Variants in SRBD1 observed in about 807,000 individuals in gnomAD.
SRBD1 encodes S1 RNA-binding domain-containing protein 1.
Under a neutral mutation model 115.3 loss-of-function variants are expected in SRBD1, and 88 were observed. The ratio of observed to expected loss-of-function variants is 0.76; its 90% CI spans 0.64 to 0.91. SRBD1 has a LOEUF of 0.91. Ranked by LOEUF, SRBD1 falls within the 40% of genes least tolerant of loss-of-function variation. The probability of loss-of-function intolerance (pLI) is 0.00; values close to 1 mark genes in which losing one functional copy is unlikely to be tolerated. For missense variants in SRBD1, 1,385 were observed against 1,177.4 expected (o/e 1.18, Z -2.58); for synonymous variants, 509 against 407.7 (o/e 1.25, Z -2.99).
Position 45,585,748 on chromosome 2 carries a change from T to C in SRBD1, c.675A>G (p.Glu225=). The part of the protein sequence containing the change: ...VQVLSERTNI[E]PWVCANIIRL... ...GAATGATGTTGGCACAAACCCAAGG[T>C]TCAATATTAGTTCTCTCAGATAAAA... Residue 225 remains glutamate, a synonymous_variant, in exon 5 of 21, where the codon GAA becomes GAG. Transcript: ENST00000263736. The C allele has an allele frequency of 6.2e-7, 1 of 1,605,332 alleles. No individual in the cohort carries two copies. Among genetic ancestry groups the C allele is most frequent in the Non-Finnish European group, 8.5e-7 (1 of 1,178,056 alleles).
At chr2:45,420,540 T>C (rs537260693) in intron 16 of SRBD1, among the ~76,000 whole-genome samples, 37 of 152,354 alleles carry the variant, frequency 2.4e-4, no homozygotes, top group African/African-American at 8.7e-4. Context: ...TGTTAAATAT[T>C]GAAAGAGCTC....
At chr2:45,560,774 T>C (rs1672636995) in intron 10 of SRBD1, among the ~76,000 whole-genome samples, 1 of 152,112 alleles carries the variant, frequency 6.6e-6, no homozygotes, top group Non-Finnish European at 1.5e-5. Flanking sequence ...TTCATTGGAA[T>C]TTATTTGCTT....
At chr2:45,544,232 CAA>C (rs777800446) in intron 14 of SRBD1, among the ~76,000 whole-genome samples, 211 of 72,266 alleles carry the variant, frequency 2.9e-3, no homozygotes, top group South Asian at 3.6e-3. Context: ...GACTCCGGCT[CAA>C]AAAAAAAAAA....
chr2:45,579,067 T>C (rs1379912323), intron 7 of SRBD1, among the ~76,000 whole-genome samples: 5 of 152,200 alleles, frequency 3.3e-5, no homozygotes, highest in Non-Finnish European at 5.9e-5. Context: ...CACTCAATCC[T>C]AACAGCGAAT....
Position 45,495,122 on chromosome 2 carries a change from A to G in SRBD1, c.1875-6791T>C, listed in dbSNP as rs146641120. Reference sequence around the variant, plus strand: ...ATCTTAGCTACAGAGCAGTCTTTCAAAAGAACAGAATTATCTTGGCTACTT... The same window carrying G: ...ATCTTAGCTACAGAGCAGTCTTTCAGAAGAACAGAATTATCTTGGCTACTT... On this transcript the variant is annotated intron_variant, in intron 14 of 20. Transcript: ENST00000263736. Among the ~76,000 whole-genome samples, 29 of 152,336 alleles carry G rather than the reference A, an allele frequency of 1.9e-4. 1 individual carries two copies. The East Asian group carries it at 2.7e-3, about 14-fold the overall frequency.
At chr2:45,563,417 A>G (rs1291092005) in intron 9 of SRBD1, among the ~76,000 whole-genome samples, 2 of 152,002 alleles carry the variant, frequency 1.3e-5, no homozygotes, top group Non-Finnish European at 2.9e-5. Flanking sequence ...ACACTCCTTA[A>G]AGTATAAACA....
At chr2:45,450,798 C>G (rs899921532) in intron 16 of SRBD1, among the ~76,000 whole-genome samples, 3 of 152,080 alleles carry the variant, frequency 2.0e-5, no homozygotes, top group African/African-American at 7.2e-5. Context: ...TTAGTTTGGA[C>G]AGGTCCCAGC....
chr2:45,425,726 G>C (rs1044915035), intron 16 of SRBD1, among the ~76,000 whole-genome samples: 5 of 152,138 alleles, frequency 3.3e-5, no homozygotes, highest in Non-Finnish European at 7.3e-5. Context: ...AGCACAAGGA[G>C]TCAGGGAACT....
intron 14 of SRBD1, among the ~76,000 whole-genome samples, chr2:45,516,002 C>T (rs936378751): frequency 2.0e-5 from 3 of 152,122 alleles, no homozygotes; most frequent in African/African-American, 7.2e-5. Context: ...CTCTGTGTTA[C>T]CTATGTTTTT....
chr2:45,546,657 G>T, intron 14 of SRBD1, 75 bp downstream of exon 14: 3 of 1,370,114 alleles, frequency 2.2e-6, no homozygotes, highest in Non-Finnish European at 3.1e-6. Flanking sequence ...AAAAAGAGAA[G>T]GGAGGATTCA....
intron 15 of SRBD1, among the ~76,000 whole-genome samples, chr2:45,481,655 AT>A (rs1669969476): frequency 6.6e-6 from 1 of 152,142 alleles, no homozygotes; most frequent in African/African-American, 2.4e-5. Context: ...TCCATATAAA[AT>A]CTTATTCATG....
At chr2:45,590,941 C>T (rs1412290988) in intron 4 of SRBD1, among the ~76,000 whole-genome samples, 12 of 151,178 alleles carry the variant, frequency 7.9e-5, no homozygotes, top group Non-Finnish European at 1.3e-4. Context: ...CACTTGAACC[C>T]GGGAGGCAGA....
chr2:45,551,013 C>A, intron 12 of SRBD1, 112 bp downstream of exon 12: 2 of 1,326,096 alleles, frequency 1.5e-6, no homozygotes, highest in Non-Finnish European at 2.0e-6. Flanking sequence ...GTGAGAAAAC[C>A]ACTTTTTAAG....
At chr2:45,491,708 G>A (rs1226561436) in intron 14 of SRBD1, among the ~76,000 whole-genome samples, 1 of 152,044 alleles carries the variant, frequency 6.6e-6, no homozygotes, top group Non-Finnish European at 1.5e-5. Context: ...TTATTTTAAG[G>A]AAACAAACCA....
At chr2:45,412,415 CTAAAA>C (rs1667630684) in intron 19 of SRBD1, among the ~76,000 whole-genome samples, 2 of 151,738 alleles carry the variant, frequency 1.3e-5, no homozygotes, top group Non-Finnish European at 2.9e-5. Flanking sequence ...ATGACATTTA[CTAAAA>C]TAATCAAATA....
chr2:45,561,984 G>GAGCA (rs1369094958), intron 10 of SRBD1, among the ~76,000 whole-genome samples: 1 of 151,912 alleles, frequency 6.6e-6, no homozygotes, highest in East Asian at 1.9e-4. Context: ...ATGATACATA[G>GAGCA]AGCATATTTT....
At chr2:45,569,032 G>A (rs72618603) in intron 9 of SRBD1, among the ~76,000 whole-genome samples, 6,641 of 152,194 alleles carry the variant, frequency 0.044, 231 homozygotes, top group East Asian at 0.15. Context: ...CTTTAAATGG[G>A]CAAGGGCCAT....
At chr2:45,399,853 T>A (rs568221717) in intron 19 of SRBD1, among the ~76,000 whole-genome samples, 26 of 152,304 alleles carry the variant, frequency 1.7e-4, no homozygotes, top group Admixed American at 3.9e-4. Flanking sequence ...ATAATTTAAT[T>A]TACTGCCTGT....
At chr2:45,561,726 A>C (rs1380310959) in intron 10 of SRBD1, among the ~76,000 whole-genome samples, 1 of 152,240 alleles carries the variant, frequency 6.6e-6, no homozygotes, top group Admixed American at 6.5e-5. Flanking sequence ...TGAAAAATTA[A>C]AACTAAAAGT....
Sources: allele counts gnomAD v4.1 joint callset (sites outside exome capture counted in the v4.1 genomes callset), GRCh38; gene constraint gnomAD v4.1.1; transcripts MANE v1.5; gene names NCBI Gene and HGNC (gene_info 2026-07-23, HGNC 2026-07-21).